DYDC2: variants seen among roughly 807,000 people sequenced by gnomAD.
DYDC2 encodes the protein DPY30 domain-containing protein 2.
A neutral mutation model predicts 18.7 loss-of-function variants in DYDC2; 19 were observed. The observed-to-expected ratio is 1.02, with a 90% CI of 0.71 to 1.49. The LOEUF (loss-of-function observed/expected upper bound fraction) is 1.49, where lower values mean the gene tolerates loss of function less well. DYDC2 is among the 40% of genes most tolerant of loss of function. DYDC2 has a pLI of 0.00. For synonymous variants in DYDC2, 63 were observed against 67.6 expected (o/e 0.93, Z 0.34); for missense variants, 179 against 205.1 (o/e 0.87, Z 0.78).
chr10:80,348,193 C>A (rs115601250), intron 1 of DYDC2, among the ~76,000 whole-genome samples: 21 of 152,068 alleles, frequency 1.4e-4, no homozygotes, highest in Non-Finnish European at 8.8e-5. Context: ...TTTATTCCTA[C>A]GTATATTATT....
upstream of DYDC2, chr10:80,356,548 T>G: frequency 1.0e-6 from 1 of 985,484 alleles, no homozygotes; most frequent in Non-Finnish European, 1.2e-6. Context: ...GGAGGACAGC[T>G]GGCCGCTTTC....
intron 1 of DYDC2, among the ~76,000 whole-genome samples, chr10:80,357,235 C>G (rs916525065): frequency 1.0e-4 from 4 of 39,022 alleles, no homozygotes; most frequent in Admixed American, 9.8e-4. Flanking sequence ...CTCCAGGGGG[C>G]GGGGTCCAGG....
intron 2 of DYDC2, among the ~76,000 whole-genome samples, chr10:80,360,519 A>G (rs2132889157): frequency 6.6e-6 from 1 of 152,320 alleles, no homozygotes; most frequent in East Asian, 1.9e-4. Flanking sequence ...AATCACAGTT[A>G]CAAAGTCTCT....
Position 80,346,444 on chromosome 10 carries a change from C to CTTTTTTTTTTTTTTTTTTTTTTTT in DYDC2, c.-310+1633_-310+1656dup, listed in dbSNP as rs1032729095. Among the ~76,000 whole-genome samples, 54 of 83,358 alleles carry CTTTTTTTTTTTTTTTTTTTTTTTT rather than the reference C, an allele frequency of 6.5e-4. 8 individuals are homozygous for CTTTTTTTTTTTTTTTTTTTTTTTT. The highest frequency in any genetic ancestry group is 2.2e-3 in the African/African-American group (44 of 20,114). The allele number at this position is 83,358 out of a possible 152,430, so 54.7% of individuals were successfully genotyped here. A position where few individuals can be genotyped will look rare whatever the true frequency, so the allele number is the denominator to read the frequency against. On this transcript the variant is annotated intron_variant, in intron 1 of 4. Coordinates refer to the DYDC2 transcript ENST00000372197. Reference sequence around the variant, plus strand: ...TCACCAATGTGTGTCTCTTCCCTTTCTTTTTTTTTTTTTTTTTTTTTTTTT... The same window carrying CTTTTTTTTTTTTTTTTTTTTTTTT: ...TCACCAATGTGTGTCTCTTCCCTTTCTTTTTTTTTTTTTTTTTTTTTTTTTTTTTTTTTTTTTTTTTTTTTTTTT...
chr10:80,361,876 G>C (rs1843672615), intron 2 of DYDC2, among the ~76,000 whole-genome samples: 1 of 152,138 alleles, frequency 6.6e-6, no homozygotes, highest in Non-Finnish European at 1.5e-5. Flanking sequence ...CCCAGCCTTG[G>C]AATCAGCCAT....
Position 80,366,829 on chromosome 10 carries a change from C to G in DYDC2, c.412C>G (p.Pro138Ala), listed in dbSNP as rs1281417710. 2 of 1,614,092 alleles carry G rather than the reference C, an allele frequency of 1.2e-6. No individual in the cohort carries two copies. The highest frequency in any genetic ancestry group is 2.7e-5 in the African/African-American group (2 of 74,922). ...LIPGMPQQVP[P>A]SESAGQIDQN... is the part of the protein sequence containing the mutation. ...TCCAGGAATGCCTCAACAGGTTCCT[C>G]CTTCAGAGTCTGCTGGCCAGATTGA... Residue 138 changes from proline (P) to alanine (A), a missense_variant, in exon 5 of 5, where the codon CCT (proline) becomes GCT (alanine). Coordinates refer to ENST00000256039, the MANE Select transcript of DYDC2 (RefSeq NM_032372.6).
chr10:80,367,804 T>TTTC lies in DYDC2; in HGVS notation c.*853_*854insTTC. On this transcript the variant is annotated 3_prime_UTR_variant, in exon 5 of 5. Coordinates refer to ENST00000256039, the MANE Select transcript of DYDC2 (RefSeq NM_032372.6). ...ATGTTTTAATACTTTTCTTCAATTT[T>TTTC]AGTAACTGGTAAAATACATGTAAGA... The TTTC allele has an allele frequency of 6.6e-6, 1 of 152,246 alleles. No homozygotes were observed. The highest frequency in any genetic ancestry group is 2.4e-5 in the African/African-American group (1 of 41,454). 9.4% of individuals were successfully genotyped at this position (152,246 alleles called of 1,614,324 possible).
At chr10:80,346,988 G>A (rs924646575) in intron 1 of DYDC2, among the ~76,000 whole-genome samples, 1 of 151,982 alleles carries the variant, frequency 6.6e-6, no homozygotes, top group African/African-American at 2.4e-5. Flanking sequence ...GCTGAGGCAG[G>A]AGAATCGCTT....
At chr10:80,363,169 T>G in intron 4 of DYDC2, 96 bp downstream of exon 4, 1 of 1,322,746 alleles carries the variant, frequency 7.6e-7, no homozygotes, top group East Asian at 2.5e-5. Context: ...CAAGGCACAT[T>G]AAGGGTCCCT....
At chr10:80,350,885 A>G (rs1842939017) in intron 1 of DYDC2, among the ~76,000 whole-genome samples, 1 of 152,094 alleles carries the variant, frequency 6.6e-6, no homozygotes, top group African/African-American at 2.4e-5. Flanking sequence ...CAATTCCCTT[A>G]CCAATATCTT....
chr10:80,347,487 C>T (rs1317889667), intron 1 of DYDC2, among the ~76,000 whole-genome samples: 1 of 151,982 alleles, frequency 6.6e-6, no homozygotes, highest in Non-Finnish European at 1.5e-5. Context: ...GCTTTTATTG[C>T]CTGTGCTTTT....
At chr10:80,364,657 A>G (rs1389570596) in intron 4 of DYDC2, among the ~76,000 whole-genome samples, 4 of 152,220 alleles carry the variant, frequency 2.6e-5, no homozygotes, top group Non-Finnish European at 4.4e-5. Context: ...CAAGTGTGTG[A>G]TGTAGGCAGT....
rs771907908 is a variant in DYDC2, at chr10:80,356,932, A to AGAGGGGGCGCGGCAGAGTG, written c.-163+117_-163+135dup. 3.5e-3 allele frequency: 2,664 copies of AGAGGGGGCGCGGCAGAGTG among 766,634 alleles called. 20 individuals are homozygous for AGAGGGGGCGCGGCAGAGTG. The highest frequency in any genetic ancestry group is 5.5e-3 in the South Asian group (87 of 15,726). 47.5% of individuals were successfully genotyped at this position (766,634 alleles called of 1,614,324 possible). ...CAGAGTAGAGGGGGCGCGGCAGAGTAGAGGGGGCGCGGCAGAGTGGAGGGG... is the reference window on the plus strand; with the variant it reads ...CAGAGTAGAGGGGGCGCGGCAGAGTAGAGGGGGCGCGGCAGAGTGGAGGGGGCGCGGCAGAGTGGAGGGG... On this transcript the variant is annotated intron_variant, in intron 1 of 4. Transcript: ENST00000256039.
At chr10:80,366,271 C>T (rs1048349228) in intron 4 of DYDC2, among the ~76,000 whole-genome samples, 1 of 151,948 alleles carries the variant, frequency 6.6e-6, no homozygotes, top group African/African-American at 2.4e-5. Context: ...GACCTCATGA[C>T]CCACCCACCT....
chr10:80,351,704 T>A (rs11202652), intron 1 of DYDC2, among the ~76,000 whole-genome samples: 53,225 of 152,106 alleles, frequency 0.35, 10,511 homozygotes, highest in East Asian at 0.8. Flanking sequence ...TGTATATGTG[T>A]ATACAAGAAT....
chr10:80,359,465 G>A lies in DYDC2; in HGVS notation c.-10+1420G>A, dbSNP rs190196452. Among the ~76,000 whole-genome samples, 251 of 152,312 alleles carry A rather than the reference G, an allele frequency of 1.6e-3. 2 individuals carry two copies. Among genetic ancestry groups the A allele is most frequent in the African/African-American group, 5.7e-3 (235 of 41,576 alleles). On this transcript the variant is annotated intron_variant, in intron 2 of 4. Coordinates refer to ENST00000256039, the MANE Select transcript of DYDC2 (RefSeq NM_032372.6). The stretch of plus-strand genomic sequence containing the variant: ...TGGATCCCGCATCAGGGCTGCAGGC[G>A]GAGCTGCCTGCCAGTCCCACGTAGT...
intron 2 of DYDC2, among the ~76,000 whole-genome samples, chr10:80,361,793 A>G (rs1196673612): frequency 1.3e-5 from 2 of 152,102 alleles, no homozygotes; most frequent in African/African-American, 4.8e-5. Context: ...TCTGTCCCCA[A>G]CGATTGTATT....
chr10:80,364,015 T>TA (rs1295841846), intron 4 of DYDC2, among the ~76,000 whole-genome samples: 7 of 152,228 alleles, frequency 4.6e-5, no homozygotes, highest in Non-Finnish European at 8.8e-5. Flanking sequence ...AAGTGGTAGA[T>TA]ACCTGGATAG....
At chr10:80,364,295 A>G (rs1049861653) in intron 4 of DYDC2, among the ~76,000 whole-genome samples, 2 of 152,198 alleles carry the variant, frequency 1.3e-5, no homozygotes, top group Non-Finnish European at 2.9e-5. Context: ...TTGTTTGACA[A>G]TAGTCTAAAG....
Sources: gnomAD v4.1 joint callset for allele counts (sites outside exome capture counted in the v4.1 genomes callset) on GRCh38, gnomAD v4.1.1 for gene constraint, MANE v1.5 for transcripts, NCBI Gene and HGNC (gene_info 2026-07-23, HGNC 2026-07-21) for gene names.